GRM7: variants seen among roughly 807,000 people sequenced by gnomAD.
The protein encoded by GRM7 is glutamate metabotropic receptor 7, also known as metabotropic glutamate receptor 7.
Under a neutral mutation model 84.5 loss-of-function variants are expected in GRM7, and 35 were observed. The ratio of observed to expected loss-of-function variants is 0.41; its 90% CI spans 0.32 to 0.55. The LOEUF is 0.55. Among genes scored for constraint, GRM7 ranks in the 20% least tolerant of loss-of-function variants. GRM7 has a pLI of 0.19. For synonymous variants in GRM7, 487 were observed against 455.1 expected (o/e 1.07, Z -0.89); for missense variants, 1,003 against 1,194.6 (o/e 0.84, Z 2.36).
In GRM7 at chr3:7,652,813, C is replaced by T. The variant is rs572626720; in HGVS notation, c.2452-27236C>T. On this transcript the variant is annotated intron_variant, in intron 8 of 9. Transcript: ENST00000357716. ...TAAAAATTAGAGTGTTTTCTGAGAC[C>T]AGCTGTATGCATAACATCTAATTCT... 2.0e-5 allele frequency among the ~76,000 whole-genome samples: 3 copies of T among 152,282 alleles called. No individual in the cohort carries two copies. In the South Asian group the frequency reaches 6.2e-4, roughly 32 times the overall value.
intron 4 of GRM7, among the ~76,000 whole-genome samples, chr3:7,310,083 C>G (rs1700338524): frequency 6.6e-6 from 1 of 152,310 alleles, no homozygotes; most frequent in Admixed American, 6.5e-5. Flanking sequence ...TCTTCATCCT[C>G]CAAAGTGCTC....
In GRM7 at chr3:6,961,234, C is replaced by G. The variant is rs1559353781; in HGVS notation, c.519+99327C>G. On this transcript the variant is annotated intron_variant, in intron 1 of 9. Coordinates refer to ENST00000357716, the MANE Select transcript of GRM7 (RefSeq NM_000844.4). The stretch of plus-strand genomic sequence containing the variant: ...TGTGTTCTCACAGCCACCTCCTTCT[C>G]TTCATAATATCACGCTAAAGATACC... Among the ~76,000 whole-genome samples the G allele has an allele frequency of 2.6e-5, 4 of 152,286 alleles. No homozygotes were observed. The South Asian group carries it at 8.3e-4, about 32-fold the overall frequency.
At chr3:7,261,913 C>CTCCCTTCCTTCCCTCCCTCT (rs1698441823) in intron 2 of GRM7, among the ~76,000 whole-genome samples, 1 of 147,162 alleles carries the variant, frequency 6.8e-6, no homozygotes, top group African/African-American at 2.5e-5. Context: ...TCCCTCCCTC[C>CTCCCTTCCTTCCCTCCCTCT]CTTCCTCCCT....
At chr3:7,364,192 T>A (rs2125108701) in intron 4 of GRM7, among the ~76,000 whole-genome samples, 1 of 151,980 alleles carries the variant, frequency 6.6e-6, no homozygotes, top group Admixed American at 6.6e-5. Context: ...ATTTCCTTGT[T>A]AGATGTATAT....
chr3:7,296,326 C>A (rs1334077682), intron 2 of GRM7, among the ~76,000 whole-genome samples: 1 of 151,856 alleles, frequency 6.6e-6, no homozygotes, highest in African/African-American at 2.4e-5. Flanking sequence ...CAAATATGTT[C>A]CAAGTAATAT....
At chr3:7,341,634 T>C (rs1692638093) in intron 4 of GRM7, among the ~76,000 whole-genome samples, 1 of 152,120 alleles carries the variant, frequency 6.6e-6, no homozygotes, top group African/African-American at 2.4e-5. Context: ...TTACCAAAAG[T>C]CTTTTTGTCT....
intron 9 of GRM7, among the ~76,000 whole-genome samples, chr3:7,703,267 C>T (rs1273624168): frequency 6.6e-6 from 1 of 152,084 alleles, no homozygotes; most frequent in Non-Finnish European, 1.5e-5. Flanking sequence ...CCACTCCAGA[C>T]CTGCTGAATC....
intron 1 of GRM7, among the ~76,000 whole-genome samples, chr3:7,110,620 A>G (rs936162136): frequency 7.9e-6 from 1 of 127,258 alleles, no homozygotes; most frequent in Non-Finnish European, 1.6e-5. Flanking sequence ...CACGCACACA[A>G]TTATATATAT....
intron 7 of GRM7, among the ~76,000 whole-genome samples, chr3:7,555,727 A>G (rs548527419): frequency 2.4e-4 from 37 of 152,084 alleles, no homozygotes; most frequent in Non-Finnish European, 5.0e-4. Flanking sequence ...AACTCATAAA[A>G]CATTACTCAT....
At chr3:7,371,371 A>G (rs1009823370) in intron 4 of GRM7, among the ~76,000 whole-genome samples, 7 of 152,160 alleles carry the variant, frequency 4.6e-5, no homozygotes, top group Non-Finnish European at 8.8e-5. Flanking sequence ...CCTCTCAAAT[A>G]CCTTATAGCT....
intron 1 of GRM7, among the ~76,000 whole-genome samples, chr3:6,981,839 T>C (rs1694218595): frequency 6.6e-6 from 1 of 152,140 alleles, no homozygotes; most frequent in African/African-American, 2.4e-5. Flanking sequence ...AAAACACTTA[T>C]ACACTACTGG....
At chr3:7,191,055 T>A (rs1462230699) in intron 2 of GRM7, among the ~76,000 whole-genome samples, 2 of 152,184 alleles carry the variant, frequency 1.3e-5, no homozygotes, top group Non-Finnish European at 2.9e-5. Context: ...GACAATAATA[T>A]CAATATAAGC....
chr3:7,345,086 A>G lies in GRM7; in HGVS notation c.1033+38434A>G, dbSNP rs1559253112. On this transcript the variant is annotated intron_variant, in intron 4 of 9. Transcript: ENST00000357716. ...AACTAATTTTTAAATGTTTTTTAAA[A>G]AAAGGTAAGATGAAAAATCTAGAAT... is the stretch of plus-strand genomic sequence containing the variant. 5.3e-5 allele frequency among the ~76,000 whole-genome samples: 8 copies of G among 152,238 alleles called. No homozygotes were observed. In the South Asian group the frequency reaches 1.7e-3, roughly 32 times the overall value.
At chr3:6,901,660 G>T (rs1015230162) in intron 1 of GRM7, among the ~76,000 whole-genome samples, 1 of 118,054 alleles carries the variant, frequency 8.5e-6, no homozygotes, top group East Asian at 2.8e-4. Context: ...TTTGAAGAGA[G>T]AAATCTTTTC....
At chr3:7,158,486 G>T (rs931822594) in intron 2 of GRM7, among the ~76,000 whole-genome samples, 15 of 151,888 alleles carry the variant, frequency 9.9e-5, no homozygotes, top group Non-Finnish European at 1.9e-4. Context: ...GTATGTCCCC[G>T]TCTCCCCACC....
intron 2 of GRM7, among the ~76,000 whole-genome samples, chr3:7,205,823 T>C (rs1696218627): frequency 6.6e-6 from 1 of 152,184 alleles, no homozygotes; most frequent in Non-Finnish European, 1.5e-5. Flanking sequence ...AATATGCTAA[T>C]CGTAACCACA....
intron 1 of GRM7, among the ~76,000 whole-genome samples, chr3:7,089,968 A>G (rs1488741809): frequency 6.6e-6 from 1 of 152,000 alleles, no homozygotes; most frequent in African/African-American, 2.4e-5. Flanking sequence ...TCAGCCTCTC[A>G]GGTAGCTGGG....
At chr3:7,229,494 G>A (rs541069085) in intron 2 of GRM7, among the ~76,000 whole-genome samples, 7 of 151,392 alleles carry the variant, frequency 4.6e-5, no homozygotes, top group Admixed American at 6.6e-5. Flanking sequence ...TGAGTATTAC[G>A]TTAAATTACC....
At chr3:6,925,349 A>G (rs1697262305) in intron 1 of GRM7, among the ~76,000 whole-genome samples, 1 of 152,176 alleles carries the variant, frequency 6.6e-6, no homozygotes, top group Non-Finnish European at 1.5e-5. Flanking sequence ...GAATCAATCA[A>G]TTTAACTTCA....
Sources: allele counts gnomAD v4.1 joint callset (sites outside exome capture counted in the v4.1 genomes callset), GRCh38; gene constraint gnomAD v4.1.1; transcripts MANE v1.5; gene names NCBI Gene and HGNC (gene_info 2026-07-23, HGNC 2026-07-21).